The following COL5A2 variants were observed in gnomAD, a reference collection of about 807,000 sequenced individuals.
COL5A2 encodes collagen alpha-2(V) chain.
In COL5A2, 23 loss-of-function variants were observed where a neutral mutation model predicts 208.2. That is an observed-to-expected ratio of 0.11 (90% CI 0.08 to 0.16). COL5A2 has a LOEUF of 0.16. Among genes scored for constraint, COL5A2 ranks in the 10% least tolerant of loss-of-function variants. COL5A2 has a pLI of 1.00. For synonymous variants in COL5A2, 625 were observed against 628.5 expected (o/e 0.99, Z 0.08); for missense variants, 1,590 against 1,956.4 (o/e 0.81, Z 3.53).
chr2:189,327,393 A>C, the COL5A2 span, among the ~76,000 whole-genome samples: 1 of 152,208 alleles, frequency 6.6e-6, no homozygotes, highest in South Asian at 2.1e-4. Flanking sequence ...AAGGAGAGAA[A>C]ACAGGAGGAA....
At chr2:189,322,113 T>C in the COL5A2 span, among the ~76,000 whole-genome samples, 1 of 152,210 alleles carries the variant, frequency 6.6e-6, no homozygotes, top group Non-Finnish European at 1.5e-5. Context: ...GAAATAAAGA[T>C]GTTCTTTGAA....
chr2:189,127,580 C>A (rs1321306314), intron 1 of COL5A2, among the ~76,000 whole-genome samples: 1 of 151,986 alleles, frequency 6.6e-6, no homozygotes. Context: ...ATTACAATTT[C>A]TTTGATTGTC....
intron 19 of COL5A2, 105 bp downstream of exon 19, chr2:189,068,681 T>G: frequency 1.2e-6 from 1 of 803,228 alleles, no homozygotes; most frequent in Non-Finnish European, 2.1e-6. Context: ...CCCCTAAATA[T>G]GTACAAATAT....
chr2:189,386,169 G>C, the COL5A2 span, among the ~76,000 whole-genome samples: 1 of 152,052 alleles, frequency 6.6e-6, no homozygotes, highest in Non-Finnish European at 1.5e-5. Context: ...CATAATTCAA[G>C]GTGAGATTTG....
At chr2:189,065,339 G>A (rs141177246) in intron 23 of COL5A2, among the ~76,000 whole-genome samples, 4 of 152,268 alleles carry the variant, frequency 2.6e-5, no homozygotes, top group Middle Eastern at 3.4e-3. Context: ...AGACCAGCCT[G>A]GCCAACGTGG....
intron 1 of COL5A2, among the ~76,000 whole-genome samples, chr2:189,111,355 C>T (rs1687256622): frequency 6.6e-6 from 1 of 152,134 alleles, no homozygotes; most frequent in Admixed American, 6.6e-5. Flanking sequence ...AATTTTAAAA[C>T]ATAATGTGGA....
intron 1 of COL5A2, among the ~76,000 whole-genome samples, chr2:189,175,656 G>A (rs951480745): frequency 2.0e-5 from 3 of 150,610 alleles, no homozygotes; most frequent in African/African-American, 7.3e-5. Context: ...CAACTCTCGT[G>A]CCTCAGTCTC....
At chr2:189,422,032 G>T in the COL5A2 span, among the ~76,000 whole-genome samples, 610 of 152,200 alleles carry the variant, frequency 4.0e-3, 30 homozygotes, top group East Asian at 0.09. Flanking sequence ...CTTACTATTG[G>T]AAGGCATTCT....
At chr2:189,395,573 C>A in the COL5A2 span, among the ~76,000 whole-genome samples, 10,103 of 152,068 alleles carry the variant, frequency 0.066, 382 homozygotes, top group South Asian at 0.088. Flanking sequence ...TTTCTAAGTA[C>A]AATTTGGAGC....
chr2:189,268,128 T>C, the COL5A2 span, among the ~76,000 whole-genome samples: 145,002 of 152,182 alleles, frequency 0.95, 69,112 homozygotes, highest in East Asian at 1. Context: ...GTTCCCATAC[T>C]CTTTGAGTCA....
In COL5A2 at chr2:189,085,190, T is replaced by G. The variant is rs762230666; in HGVS notation, c.768A>C (p.Pro256=). The G allele has an allele frequency of 2.5e-6, 4 of 1,611,852 alleles. No homozygotes were observed. In the East Asian group the frequency reaches 8.9e-5, roughly 36 times the overall value. ...GPMGPIGSRG[P]EGPPGKPGED... ...CCCCAGGTTTACCAGGAGGGCCCTC[T>G]GGTCCACGTGAACCAATCGGACCCT... Residue 256 remains proline (P), a synonymous_variant, in exon 11 of 54, where the codon CCA becomes CCC. Transcript: ENST00000374866.
chr2:189,295,934 T>G, the COL5A2 span, among the ~76,000 whole-genome samples: 450 of 152,226 alleles, frequency 3.0e-3, 3 homozygotes, highest in African/African-American at 0.01. Context: ...AACAGTTTGA[T>G]GCTCACAGAT....
At chr2:189,235,990 T>C in the COL5A2 span, among the ~76,000 whole-genome samples, 2 of 150,614 alleles carry the variant, frequency 1.3e-5, no homozygotes, top group Non-Finnish European at 3.0e-5. Flanking sequence ...TGCATATTTG[T>C]CCATCCCCCA....
chr2:189,043,351 C>G (rs1032389045), intron 47 of COL5A2, 93 bp from the exon 48 acceptor site: 3 of 832,032 alleles, frequency 3.6e-6, no homozygotes, highest in African/African-American at 3.4e-5. Context: ...ATTGTATTTA[C>G]TACAATTTTG....
the COL5A2 span, among the ~76,000 whole-genome samples, chr2:189,246,050 C>T: frequency 2.0e-5 from 3 of 152,154 alleles, no homozygotes; most frequent in South Asian, 2.1e-4. Context: ...ATTGCAAATA[C>T]TCACAATTTC....
intron 47 of COL5A2, 115 bp from the exon 48 acceptor site, chr2:189,043,373 T>C: frequency 2.9e-6 from 2 of 678,172 alleles, no homozygotes; most frequent in South Asian, 3.6e-5. Context: ...ACTTGGTATT[T>C]TATATGGATT....
chr2:189,386,786 G>A, the COL5A2 span, among the ~76,000 whole-genome samples: 3 of 152,164 alleles, frequency 2.0e-5, no homozygotes, highest in Admixed American at 6.6e-5. Context: ...ACCATTTCAC[G>A]CCAGTCAGAA....
the COL5A2 span, among the ~76,000 whole-genome samples, chr2:189,435,156 ACC>A: frequency 6.6e-5 from 10 of 152,294 alleles, no homozygotes; most frequent in African/African-American, 2.4e-4. Flanking sequence ...CCTTCCTTAC[ACC>A]TTATACAAAA....
chr2:189,439,678 T>TC, the COL5A2 span, among the ~76,000 whole-genome samples: 1 of 152,214 alleles, frequency 6.6e-6, no homozygotes, highest in Non-Finnish European at 1.5e-5. Context: ...ACAAATGACT[T>TC]ATCTTTCTGG....
Sources: gnomAD v4.1 joint callset for allele counts (sites outside exome capture counted in the v4.1 genomes callset) on GRCh38, gnomAD v4.1.1 for gene constraint, MANE v1.5 for transcripts, NCBI Gene and HGNC (gene_info 2026-07-23, HGNC 2026-07-21) for gene names.